The following C2CD2 variants were observed in gnomAD, a reference collection of about 807,000 sequenced individuals.
C2CD2 encodes the protein C2 domain-containing protein 2.
Under a neutral mutation model 74.3 loss-of-function variants are expected in C2CD2, and 43 were observed. The observed-to-expected ratio is 0.58, with a 90% CI of 0.45 to 0.75. The LOEUF is 0.75. Among genes scored for constraint, C2CD2 ranks in the 30% least tolerant of loss-of-function variants. The pLI, the probability that C2CD2 is intolerant of heterozygous loss-of-function variation, is 0.00. For synonymous variants in C2CD2, 422 were observed against 390.7 expected, an observed-to-expected ratio of 1.08 and a Z score of -0.94; for missense variants, 801 against 916.3, an observed-to-expected ratio of 0.87 and a Z score of 1.63.
Position 41,922,093 on chromosome 21 carries a change from AG to A in C2CD2, c.379-9del, listed in dbSNP as rs746394668. The A allele has an allele frequency of 6.4e-7, 1 of 1,558,872 alleles. No individual in the cohort carries two copies. Among genetic ancestry groups the A allele is most frequent in the Non-Finnish European group, 8.9e-7 (1 of 1,129,680 alleles). ...CACGTGACAGACCACCACCTGGAGG[AG>A]GCACAGGTAAGGGAGAAAACTGTAT... On this transcript the variant is annotated splice_polypyrimidine_tract_variant and intron_variant, in intron 2 of 13. Coordinates refer to ENST00000380486, the MANE Select transcript of C2CD2 (RefSeq NM_015500.2).
Position 41,899,308 on chromosome 21 carries a change from C to T in C2CD2, c.1615G>A (p.Val539Met), listed in dbSNP as rs761585637. 1.9e-6 allele frequency: 3 copies of T among 1,610,662 alleles called. No homozygotes were observed. The highest frequency in any genetic ancestry group is 3.3e-5 in the Admixed American group (2 of 60,030). The stretch of plus-strand genomic sequence containing the variant: ...GCGTCCTCCTGGTGGGTGCTGTCCA[C>T]AGAGGCCGTGTAGCCCTGCATCAGG... ...AALMQGYTAS[V>M]DSTHQEDAPS... Residue 539 changes from valine (V) to methionine (M), a missense_variant, in exon 13 of 14, where the codon GTG becomes ATG. Physicochemically the swap from Val to Met is conservative, Grantham distance 21 (BLOSUM62 1). Coordinates refer to ENST00000380486, the MANE Select transcript of C2CD2 (RefSeq NM_015500.2). The surrounding 1 kb of genome is among the most constrained non-coding windows in gnomAD (Gnocchi z 4.4).
chr21:41,929,504 GC>G lies in C2CD2; in HGVS notation c.379-7420del, dbSNP rs35497661. Among the ~76,000 whole-genome samples the G allele has an allele frequency of 0.064, 9,706 of 152,304 alleles. 385 individuals carry two copies. The highest frequency in any genetic ancestry group is 0.091 in the Non-Finnish European group (6,175 of 68,010). ...CTGTGGCTCAGAGAAAGAAGGAAGTGCCCTAAACGAGCCCAGATCCAATCAG... is the reference window on the plus strand; with the variant it reads ...CTGTGGCTCAGAGAAAGAAGGAAGTGCCTAAACGAGCCCAGATCCAATCAG... On this transcript the variant is annotated intron_variant, in intron 2 of 13. Transcript: ENST00000380486. The surrounding 1 kb of genome is among the most constrained non-coding windows in gnomAD (Gnocchi z 4.6).
intron 3 of C2CD2, among the ~76,000 whole-genome samples, chr21:41,919,893 C>A (rs1436548669): frequency 1.3e-5 from 2 of 152,086 alleles, no homozygotes; most frequent in Non-Finnish European, 2.9e-5. Context: ...GGGAGATGAC[C>A]CTGGGTCCTT....
At chr21:41,910,492 C>T (rs1340407418) in intron 7 of C2CD2, among the ~76,000 whole-genome samples, 1 of 152,172 alleles carries the variant, frequency 6.6e-6, no homozygotes, top group Non-Finnish European at 1.5e-5. Context: ...CATTATCACT[C>T]TCTTATTCTT....
chr21:41,948,696 T>C (rs1384907102), intron 1 of C2CD2, among the ~76,000 whole-genome samples: 3 of 151,944 alleles, frequency 2.0e-5, no homozygotes. Flanking sequence ...ACTGGCTTCC[T>C]ACACCACAGC....
chr21:41,898,705 G>T (rs2064852876), intron 13 of C2CD2, among the ~76,000 whole-genome samples: 1 of 152,204 alleles, frequency 6.6e-6, no homozygotes, highest in Non-Finnish European at 1.5e-5. Context: ...CCCAGGCTCT[G>T]CCTGGCTTTG....
At chr21:41,897,156 G>A (rs1307506244) in intron 13 of C2CD2, among the ~76,000 whole-genome samples, 4 of 152,214 alleles carry the variant, frequency 2.6e-5, no homozygotes, top group Admixed American at 2.6e-4. Flanking sequence ...CAGCAAGGAT[G>A]GAAACCCAGG....
At chr21:41,921,465 T>C (rs948503699) in intron 3 of C2CD2, among the ~76,000 whole-genome samples, 10 of 152,242 alleles carry the variant, frequency 6.6e-5, no homozygotes, top group African/African-American at 2.4e-4. Context: ...ATTATATATA[T>C]GTCTTTATTC....
intron 9 of C2CD2, 134 bp from the exon 10 acceptor site, chr21:41,907,300 T>A (rs181948975): frequency 2.7e-6 from 2 of 730,892 alleles, no homozygotes; most frequent in African/African-American, 1.8e-5. Flanking sequence ...CATCTCCAAT[T>A]AACCTGGATA....
At chr21:41,927,351 A>G (rs2065222278) in intron 2 of C2CD2, among the ~76,000 whole-genome samples, 1 of 152,156 alleles carries the variant, frequency 6.6e-6, no homozygotes, top group Non-Finnish European at 1.5e-5. Context: ...TTTTTAGTAG[A>G]GACAGGGTTT....
intron 1 of C2CD2, among the ~76,000 whole-genome samples, chr21:41,950,784 G>A (rs767629451): frequency 9.2e-5 from 14 of 152,284 alleles, no homozygotes; most frequent in Non-Finnish European, 1.6e-4. Flanking sequence ...TACAAAGGTG[G>A]GGTAAAACTT....
chr21:41,908,254 T>TGTGTGTGTGTGTGTGTGTGG, intron 8 of C2CD2: 1 of 183,982 alleles, frequency 5.4e-6, no homozygotes. Context: ...TGTGTGTGTG[T>TGTGTGTGTGTGTGTGTGTGG]GTGTGTGTAA....
intron 2 of C2CD2, among the ~76,000 whole-genome samples, chr21:41,933,654 A>G (rs796065653): frequency 1.3e-5 from 2 of 152,238 alleles, no homozygotes; most frequent in Admixed American, 6.5e-5. Context: ...TTCTACTCCC[A>G]ACTGACCCTT....
chr21:41,913,679 C>G (rs562098180), intron 6 of C2CD2, among the ~76,000 whole-genome samples: 2 of 152,330 alleles, frequency 1.3e-5, no homozygotes, highest in East Asian at 3.9e-4. Flanking sequence ...CTGGAGGAAG[C>G]CCCTTGCAAA....
chr21:41,944,521 C>CAAAAAAAAAAAAA (rs369422328), intron 1 of C2CD2, among the ~76,000 whole-genome samples: 18 of 97,848 alleles, frequency 1.8e-4, no homozygotes, highest in Non-Finnish European at 2.3e-4. Context: ...GACTCTGCCT[C>CAAAAAAAAAAAAA]AAAAAAAAAA....
chr21:41,945,786 G>A lies in C2CD2; in HGVS notation c.280-3541C>T, dbSNP rs768426056. On this transcript the variant is annotated intron_variant, in intron 1 of 13. Coordinates refer to ENST00000380486, the MANE Select transcript of C2CD2 (RefSeq NM_015500.2). This position sits in a 1 kb window ranked among gnomAD's most constrained non-coding sequence, Gnocchi z 4.2. ...CTCCTTCCTTCTTCCCTCTCCTGCC[G>A]CCTTATGAAGAAGGTGACGGCTTTC... 1.3e-5 allele frequency among the ~76,000 whole-genome samples: 2 copies of A among 151,982 alleles called. No individual in the cohort carries two copies. Among genetic ancestry groups the A allele is most frequent in the Non-Finnish European group, 2.9e-5 (2 of 67,986 alleles).
In C2CD2 at chr21:41,953,521, G is replaced by A; in HGVS notation, c.128C>T (p.Pro43Leu). Residue 43 changes from proline (P) to leucine (L), a missense_variant, in exon 1 of 14, where the codon CCC becomes CTC. Coordinates refer to ENST00000380486, the MANE Select transcript of C2CD2 (RefSeq NM_015500.2). ...CTCCACCGCCCGCCGCTGGGGCTGG[G>A]GTCGCGCCCTGGCCAGCGCCCACTG... is the stretch of plus-strand genomic sequence containing the variant. ...LAQWALARAR[P>L]QPQRRAVEPG... The A allele has an allele frequency of 6.8e-7, 1 of 1,479,844 alleles. No individual in the cohort carries two copies. Among genetic ancestry groups the A allele is most frequent in the Non-Finnish European group, 8.9e-7 (1 of 1,118,438 alleles). The allele number at this position is 1,479,844 out of a possible 1,614,324, so 91.7% of individuals were successfully genotyped here.
chr21:41,935,997 GA>G (rs71332346), intron 2 of C2CD2, among the ~76,000 whole-genome samples: 42,932 of 149,930 alleles, frequency 0.29, 6,745 homozygotes, highest in Non-Finnish European at 0.35. Context: ...AAAACTACTA[GA>G]AAAAAAAACA....
In C2CD2 at chr21:41,948,893, C is replaced by CT. The variant is rs58888005; in HGVS notation, c.279+4476dup. Among the ~76,000 whole-genome samples the CT allele has an allele frequency of 5.1e-5, 5 of 98,632 alleles. No homozygotes were observed. In the Admixed American group the frequency reaches 5.9e-4, roughly 12 times the overall value. 64.7% of individuals were successfully genotyped at this position (98,632 alleles called of 152,430 possible). On this transcript the variant is annotated intron_variant, in intron 1 of 13. Transcript: ENST00000380486. ...ATCTTTTTTTTTTTTTTTTTTTTTTCTTTTTTTTTACAAAGACCATAATGA... is the reference window on the plus strand; with the variant it reads ...ATCTTTTTTTTTTTTTTTTTTTTTTCTTTTTTTTTTACAAAGACCATAATGA...
Sources: gnomAD v4.1 joint callset for allele counts (sites outside exome capture counted in the v4.1 genomes callset) on GRCh38, gnomAD v4.1.1 for gene constraint, Gnocchi (gnomAD v3.1) non-coding constraint, MANE v1.5 for transcripts, NCBI Gene and HGNC (gene_info 2026-07-23, HGNC 2026-07-21) for gene names.